CLIC4: variants seen among roughly 807,000 people sequenced by gnomAD.
The protein encoded by CLIC4 is CLIC family member 4.
Under a neutral mutation model 24.6 loss-of-function variants are expected in CLIC4, and 13 were observed. The observed-to-expected ratio is 0.53, with a 90% CI of 0.34 to 0.84. CLIC4 has a LOEUF of 0.84. Among genes scored for constraint, CLIC4 ranks in the 40% least tolerant of loss-of-function variants. The probability of loss-of-function intolerance (pLI) is 0.01; values close to 1 mark genes in which losing one functional copy is unlikely to be tolerated. For synonymous variants in CLIC4, 104 were observed against 111.3 expected (o/e 0.93, Z 0.41); for missense variants, 227 against 301.7 (o/e 0.75, Z 1.83).
intron 1 of CLIC4, among the ~76,000 whole-genome samples, chr1:24,785,854 C>CAAAAAAAAGAAA (rs1639259892): frequency 1.7e-5 from 1 of 58,852 alleles, no homozygotes; most frequent in African/African-American, 8.0e-5. Context: ...GACTACAACT[C>CAAAAAAAAGAAA]AAAAAAAAAA....
chr1:24,804,363 T>A (rs1205629840), intron 2 of CLIC4, among the ~76,000 whole-genome samples: 1 of 130,886 alleles, frequency 7.6e-6, no homozygotes, highest in African/African-American at 2.9e-5. Context: ...GTGTGGGGGG[T>A]GTGTGTATGT....
chr1:24,768,210 C>G (rs1639026475), intron 1 of CLIC4, among the ~76,000 whole-genome samples: 1 of 152,166 alleles, frequency 6.6e-6, no homozygotes, highest in South Asian at 2.1e-4. Flanking sequence ...TTCCTGAACT[C>G]AAGTAATCCC....
Position 24,842,048 on chromosome 1 carries a change from CCCCATTTACCTTG to C in CLIC4, c.*1112_*1124del, listed in dbSNP as rs1639949455. 2 of 152,536 alleles carry C rather than the reference CCCCATTTACCTTG, an allele frequency of 1.3e-5. No homozygotes were observed. The highest frequency in any genetic ancestry group is 6.5e-5 in the Admixed American group (1 of 15,274). 9.4% of individuals were successfully genotyped at this position (152,536 alleles called of 1,614,324 possible). On this transcript the variant is annotated 3_prime_UTR_variant, in exon 6 of 6. Coordinates refer to ENST00000374379, the MANE Select transcript of CLIC4 (RefSeq NM_013943.3). ...ACAGGTCACCAATTTTCTCATTTCA[CCCCATTTACCTTG>C]TATAGAGGATTGTTCATTCCTTTGG... is the stretch of plus-strand genomic sequence containing the variant.
chr1:24,778,412 T>G (rs1003334849), intron 1 of CLIC4, among the ~76,000 whole-genome samples: 25 of 152,216 alleles, frequency 1.6e-4, no homozygotes, highest in Admixed American at 1.4e-3. Flanking sequence ...ACATAGTAGC[T>G]TTTAACTTGT....
intron 2 of CLIC4, among the ~76,000 whole-genome samples, chr1:24,804,271 A>G (rs1364638927): frequency 6.6e-6 from 1 of 151,880 alleles, no homozygotes; most frequent in Admixed American, 6.6e-5. Context: ...CTTGAGCTAC[A>G]TGAAGCACTT....
intron 1 of CLIC4, among the ~76,000 whole-genome samples, chr1:24,788,490 C>A (rs897447204): frequency 6.6e-6 from 1 of 152,110 alleles, no homozygotes; most frequent in African/African-American, 2.4e-5. Flanking sequence ...TTCCAGGACT[C>A]CTCTGTGGAT....
Position 24,841,581 on chromosome 1 carries a change from C to T in CLIC4, c.*644C>T, listed in dbSNP as rs1639943997. On this transcript the variant is annotated 3_prime_UTR_variant, in exon 6 of 6. Transcript: ENST00000374379. ...TGCCTAAAAGCATTTATCCTTCATACCAATTGTAACATCTGACACCATGTA... is the reference window on the plus strand; with the variant it reads ...TGCCTAAAAGCATTTATCCTTCATATCAATTGTAACATCTGACACCATGTA... 6.6e-6 allele frequency: 1 copy of T among 152,076 alleles called. No individual in the cohort carries two copies. The highest frequency in any genetic ancestry group is 2.4e-5 in the African/African-American group (1 of 41,394). The allele number at this position is 152,076 out of a possible 1,614,324, so 9.4% of individuals were successfully genotyped here. A position where few individuals can be genotyped will look rare whatever the true frequency, so the allele number is the denominator to read the frequency against.
At chr1:24,777,530 CA>C (rs201312565) in intron 1 of CLIC4, among the ~76,000 whole-genome samples, 1 of 149,856 alleles carries the variant, frequency 6.7e-6, no homozygotes, top group African/African-American at 2.5e-5. Flanking sequence ...GGTGATAGAG[CA>C]AAAAAAAAGA....
intron 4 of CLIC4, among the ~76,000 whole-genome samples, chr1:24,828,515 A>G (rs2124168571): frequency 6.6e-6 from 1 of 152,256 alleles, no homozygotes; most frequent in African/African-American, 2.4e-5. Flanking sequence ...CTACCCTTTT[A>G]TACTTAGATG....
At chr1:24,749,787 GTC>G (rs2124075315) in intron 1 of CLIC4, among the ~76,000 whole-genome samples, 1 of 151,468 alleles carries the variant, frequency 6.6e-6, no homozygotes, top group East Asian at 1.9e-4. Context: ...GCGAGACCCT[GTC>G]TCTACAAAAA....
At chr1:24,804,524 TGGG>T (rs1350461044) in intron 2 of CLIC4, among the ~76,000 whole-genome samples, 2 of 15,732 alleles carry the variant, frequency 1.3e-4, no homozygotes, top group Non-Finnish European at 2.1e-4. Flanking sequence ...TGTGGGTGGG[TGGG>T]GGGATGTGTG....
chr1:24,747,777 A>C (rs970218940), intron 1 of CLIC4, among the ~76,000 whole-genome samples: 4 of 152,036 alleles, frequency 2.6e-5, no homozygotes, highest in Non-Finnish European at 4.4e-5. Context: ...GAGGTGACTC[A>C]CACCTGTAGC....
chr1:24,825,578 GAT>G, intron 3 of CLIC4, among the ~76,000 whole-genome samples: 1 of 152,088 alleles, frequency 6.6e-6, no homozygotes, highest in Non-Finnish European at 1.5e-5. Context: ...GTGTTTATAA[GAT>G]AAATCTTTAA....
chr1:24,771,818 ATAT>A (rs1160130421), intron 1 of CLIC4: 1 of 513,022 alleles, frequency 1.9e-6, no homozygotes, highest in Admixed American at 2.0e-5. Flanking sequence ...GAGAACTAGA[ATAT>A]TATGTAACTG....
intron 1 of CLIC4, among the ~76,000 whole-genome samples, chr1:24,784,789 A>G (rs1023976664): frequency 6.6e-6 from 1 of 152,084 alleles, no homozygotes; most frequent in African/African-American, 2.4e-5. Context: ...GCGGATCACG[A>G]GGTCAGGAGA....
rs973859549 is a variant in CLIC4 at position 24,827,102 on chromosome 1, C to T, written c.401C>T (p.Pro134Leu). The change falls in exon 4 of 6, where the codon CCA becomes CTA. Residue 134 changes from proline to leucine, a missense_variant. Coordinates refer to ENST00000374379, the MANE Select transcript of CLIC4 (RefSeq NM_013943.3). The part of the protein sequence containing the change: ...KFSAYIKNSR[P>L]EANEALERGL... ...TCTGCATATATCAAGAATTCAAGGC[C>T]AGAGGCTAATGAAGGTAAAAAACAA... 2.0e-5 allele frequency: 32 copies of T among 1,604,546 alleles called. No individual in the cohort carries two copies. Among genetic ancestry groups the T allele is most frequent in the Non-Finnish European group, 2.7e-5 (32 of 1,176,342 alleles).
chr1:24,813,566 G>A (rs772666962), intron 2 of CLIC4, among the ~76,000 whole-genome samples: 9 of 151,014 alleles, frequency 6.0e-5, no homozygotes, highest in East Asian at 2.0e-4. Context: ...CTACAGGTGC[G>A]CACCACCATG....
chr1:24,767,265 TG>T (rs989875600), intron 1 of CLIC4, among the ~76,000 whole-genome samples: 24 of 152,164 alleles, frequency 1.6e-4, no homozygotes, highest in African/African-American at 5.8e-4. Flanking sequence ...GTGTCCCCAC[TG>T]GGGTAATCTT....
Position 24,758,462 on chromosome 1 carries a change from A to AT in CLIC4, c.72+12850dup, listed in dbSNP as rs752850033. 5.2e-3 allele frequency among the ~76,000 whole-genome samples: 750 copies of AT among 143,806 alleles called. 4 individuals carry two copies. Among genetic ancestry groups the AT allele is most frequent in the Middle Eastern group, 0.011 (3 of 276 alleles). The allele number at this position is 143,806 out of a possible 152,430, so 94.3% of individuals were successfully genotyped here. The stretch of plus-strand genomic sequence containing the variant: ...AGGCGCCTGCCACCACACCCAGATA[A>AT]TTTTTTTTTTTTTGAGGCAGAGTCT... On this transcript the variant is annotated intron_variant, in intron 1 of 5. Transcript: ENST00000374379.
Sources: gnomAD v4.1 joint callset for allele counts (sites outside exome capture counted in the v4.1 genomes callset) on GRCh38, gnomAD v4.1.1 for gene constraint, MANE v1.5 for transcripts, NCBI Gene and HGNC (gene_info 2026-07-23, HGNC 2026-07-21) for gene names.